ADAM23: variants seen among roughly 807,000 people sequenced by gnomAD.
ADAM23 encodes ADAM metallopeptidase domain 23.
Under a neutral mutation model 120.1 loss-of-function variants are expected in ADAM23, and 33 were observed. That is an observed-to-expected ratio of 0.27 (90% CI 0.21 to 0.37). ADAM23 has a LOEUF of 0.37. Among genes scored for constraint, ADAM23 ranks in the 10% least tolerant of loss-of-function variants. ADAM23 has a pLI of 1.00. For missense variants in ADAM23, 862 were observed against 1,058.2 expected, an observed-to-expected ratio of 0.81 and a Z score of 2.57; for synonymous variants, 367 against 375.2, an observed-to-expected ratio of 0.98 and a Z score of 0.25.
At chr2:206,595,041 C>T (rs915023913) in intron 23 of ADAM23, 136 bp downstream of exon 23, 11 of 1,129,438 alleles carry the variant, frequency 9.7e-6, no homozygotes, top group Non-Finnish European at 1.4e-5. Context: ...AATAGCTGGG[C>T]GTGGTGGTGG....
At chr2:206,498,119 A>T (rs1696297432) in intron 3 of ADAM23, among the ~76,000 whole-genome samples, 2 of 152,240 alleles carry the variant, frequency 1.3e-5, no homozygotes, top group South Asian at 4.1e-4. Flanking sequence ...CAAGCTACCA[A>T]TGACTTTCTT....
chr2:206,519,333 T>A (rs1696798816), intron 3 of ADAM23, among the ~76,000 whole-genome samples: 1 of 152,220 alleles, frequency 6.6e-6, no homozygotes, highest in African/African-American at 2.4e-5. Context: ...GTATCTTAGC[T>A]TGTTATTATT....
Position 206,547,436 on chromosome 2 carries a change from C to T in ADAM23, c.728C>T (p.Thr243Ile). 6.2e-7 allele frequency: 1 copy of T among 1,611,926 alleles called. No individual in the cohort carries two copies. Among genetic ancestry groups the T allele is most frequent in the Non-Finnish European group, 8.5e-7 (1 of 1,178,744 alleles). The change falls in exon 7 of 26, where the codon ACA becomes ATA. Residue 243 changes from threonine (T) to isoleucine (I), a missense_variant. By Grantham distance (89) the Thr-to-Ile change is moderately conservative (BLOSUM62 -1). Around this residue, in one of 4 missense-constraint regions of ADAM23, gnomAD observed 617 missense variants for 813.5 expected, o/e 0.76. Transcript: ENST00000264377. Reference sequence around the variant, plus strand: ...ACAATTGTTTTGTTTCAGAAAAGCACAGGTCGACCACATATAATCCAGAAA... The same window carrying T: ...ACAATTGTTTTGTTTCAGAAAAGCATAGGTCGACCACATATAATCCAGAAA... ...PLELVHDEKS[T>I]GRPHIIQKTL...
rs1030844253 is a variant in ADAM23, at chr2:206,539,300, G to A, written c.574-2752G>A. ...AACTGACAGTTTTGGATCCGAAAAT[G>A]CTGATGTCTGTATGGGTGCACAGAG... is the stretch of plus-strand genomic sequence containing the variant. On this transcript the variant is annotated intron_variant, in intron 4 of 25. Transcript: ENST00000264377. Among the ~76,000 whole-genome samples the A allele has an allele frequency of 7.2e-5, 11 of 152,296 alleles. 1 individual carries two copies. Among genetic ancestry groups the A allele is most frequent in the South Asian group, 2.1e-4 (1 of 4,828 alleles).
intron 17 of ADAM23, 122 bp from the exon 18 acceptor site, chr2:206,572,992 TC>T: frequency 1.1e-6 from 1 of 947,092 alleles, no homozygotes; most frequent in South Asian, 1.4e-5. Context: ...TCTTGCTAAT[TC>T]TTAAAAAGAG....
chr2:206,603,424 C>G (rs957890222), intron 24 of ADAM23, among the ~76,000 whole-genome samples: 4 of 152,152 alleles, frequency 2.6e-5, no homozygotes, highest in African/African-American at 9.6e-5. Context: ...AAGAGACAAC[C>G]ATGTTCAGTA....
chr2:206,571,797 G>C lies in ADAM23; in HGVS notation c.1637G>C (p.Cys546Ser). ...NGAHCSDGPC[C>S]NNTSCLFQPR... ...GCTCACTGCAGCGACGGGCCCTGCT[G>C]TAACAATACCTCATGTCTTGTGAGT... Residue 546 changes from cysteine to serine, a missense_variant, in exon 17 of 26, where the codon TGT becomes TCT. By Grantham distance (112) the Cys-to-Ser change is moderately radical. Transcript: ENST00000264377. The C allele has an allele frequency of 6.2e-7, 1 of 1,614,014 alleles. No homozygotes were observed.
intron 3 of ADAM23, among the ~76,000 whole-genome samples, chr2:206,496,576 A>G (rs1696253614): frequency 6.6e-6 from 1 of 152,228 alleles, no homozygotes; most frequent in African/African-American, 2.4e-5. Flanking sequence ...ACACCCTAAC[A>G]TCACAATCAA....
intron 2 of ADAM23, among the ~76,000 whole-genome samples, chr2:206,450,293 C>T (rs964923137): frequency 1.3e-5 from 2 of 152,212 alleles, no homozygotes; most frequent in African/African-American, 4.8e-5. Context: ...CAAGCCTAGA[C>T]TTTATCTAAA....
chr2:206,483,157 A>G (rs1000002980), intron 3 of ADAM23, among the ~76,000 whole-genome samples: 1 of 152,242 alleles, frequency 6.6e-6, no homozygotes, highest in Non-Finnish European at 1.5e-5. Context: ...TACTTTCAAT[A>G]AATCTGCAGT....
At chr2:206,562,779 C>T (rs1697793707) in intron 13 of ADAM23, among the ~76,000 whole-genome samples, 1 of 152,152 alleles carries the variant, frequency 6.6e-6, no homozygotes, top group South Asian at 2.1e-4. Context: ...GAAGACCCTG[C>T]CCCAGGGCCT....
rs1697238900 is a variant in ADAM23 at position 206,539,060 on chromosome 2, A to G, written c.574-2992A>G. On this transcript the variant is annotated intron_variant, in intron 4 of 25. Transcript: ENST00000264377. ...ATGGACATGGCTTCAATGTGTCAGT[A>G]TATGAAGAGGAAGCCTGGTAGGTTC... is the stretch of plus-strand genomic sequence containing the variant. Among the ~76,000 whole-genome samples the G allele has an allele frequency of 2.6e-5, 4 of 152,238 alleles. No homozygotes were observed. The South Asian group carries it at 8.3e-4, about 31-fold the overall frequency.
chr2:206,571,710 TG>T lies in ADAM23; in HGVS notation c.1567-16del. On this transcript the variant is annotated splice_polypyrimidine_tract_variant and intron_variant, in intron 16 of 25. Transcript: ENST00000264377. ...AGGTAAGGCTCTTCGCTTACTCACGTGAAGTGTTTTCTCTAGGAATGCTATG... is the reference window on the plus strand; with the variant it reads ...AGGTAAGGCTCTTCGCTTACTCACGTAAGTGTTTTCTCTAGGAATGCTATG... The T allele has an allele frequency of 6.2e-7, 1 of 1,606,048 alleles. No homozygotes were observed. The highest frequency in any genetic ancestry group is 1.3e-5 in the African/African-American group (1 of 74,854).
intron 3 of ADAM23, among the ~76,000 whole-genome samples, chr2:206,493,574 T>C (rs1696176623): frequency 6.6e-6 from 1 of 152,214 alleles, no homozygotes; most frequent in Admixed American, 6.5e-5. Context: ...TGTTTTGCCA[T>C]GTTGGCCAGG....
intron 2 of ADAM23, among the ~76,000 whole-genome samples, chr2:206,455,182 A>C (rs529215284): frequency 3.3e-5 from 5 of 152,312 alleles, no homozygotes; most frequent in African/African-American, 1.2e-4. Context: ...AGAAGTTCTC[A>C]AGCCTTGACT....
At position 206,481,269 on chromosome 2, in the gene ADAM23, C is replaced by G. The variant is rs753145912; in HGVS notation, c.470C>G (p.Ala157Gly). Residue 157 changes from alanine (A) to glycine (G), a missense_variant, in exon 3 of 26, where the codon GCC (alanine) becomes GGC (glycine). Physicochemically the swap from Ala to Gly is moderately conservative, Grantham distance 60. Around this residue, in one of 4 missense-constraint regions of ADAM23, gnomAD observed 617 missense variants for 813.5 expected, o/e 0.76. Coordinates refer to ENST00000264377, the MANE Select transcript of ADAM23 (RefSeq NM_003812.4). ...HLAQASFQIE[A>G]FGSKFILDLI... ...GCCCAGGCAAGCTTCCAGATTGAAG[C>G]CTTCGGCTCCAAATTCATTCTTGAC... is the stretch of plus-strand genomic sequence containing the variant. The G allele has an allele frequency of 3.1e-6, 5 of 1,609,880 alleles. No individual in the cohort carries two copies. The South Asian group carries it at 4.4e-5, about 14-fold the overall frequency.
At chr2:206,497,693 G>A (rs866618920) in intron 3 of ADAM23, among the ~76,000 whole-genome samples, 10 of 152,266 alleles carry the variant, frequency 6.6e-5, no homozygotes, top group Middle Eastern at 3.4e-3. Context: ...CATTCAATTA[G>A]GAATAGAGGA....
At chr2:206,575,788 G>A (rs1000714097) in intron 18 of ADAM23, among the ~76,000 whole-genome samples, 1 of 152,108 alleles carries the variant, frequency 6.6e-6, no homozygotes, top group Non-Finnish European at 1.5e-5. Flanking sequence ...TATGTGGGTA[G>A]GCTTGCTTAT....
At chr2:206,494,510 T>C (rs903375616) in intron 3 of ADAM23, among the ~76,000 whole-genome samples, 1 of 152,202 alleles carries the variant, frequency 6.6e-6, no homozygotes, top group African/African-American at 2.4e-5. Flanking sequence ...CAGGGAAAGC[T>C]ATACAGAGGA....
Sources: allele counts gnomAD v4.1 joint callset (sites outside exome capture counted in the v4.1 genomes callset), GRCh38; gene constraint gnomAD v4.1.1; regional missense constraint gnomAD v4.1.1; transcripts MANE v1.5; gene names NCBI Gene and HGNC (gene_info 2026-07-23, HGNC 2026-07-21).